The following PLXDC2 variants were observed in gnomAD, a reference collection of about 807,000 sequenced individuals.
PLXDC2 encodes the protein plexin domain-containing protein 2.
PLXDC2 carries 40 observed loss-of-function variants against 68.9 expected under a neutral mutation model. The ratio of observed to expected loss-of-function variants is 0.58; its 90% CI spans 0.45 to 0.76. The LOEUF (loss-of-function observed/expected upper bound fraction) is 0.76, where lower values mean the gene tolerates loss of function less well. PLXDC2 is among the 30% of genes least tolerant of loss of function. The pLI, the probability that PLXDC2 is intolerant of heterozygous loss-of-function variation, is 0.00. For synonymous variants in PLXDC2, 243 were observed against 234.2 expected, an observed-to-expected ratio of 1.04 and a Z score of -0.34; for missense variants, 644 against 661.9, an observed-to-expected ratio of 0.97 and a Z score of 0.30.
intron 1 of PLXDC2, among the ~76,000 whole-genome samples, chr10:19,884,628 T>C (rs924220064): frequency 2.0e-5 from 3 of 152,094 alleles, no homozygotes; most frequent in African/African-American, 7.2e-5. Flanking sequence ...CTTGCGATAG[T>C]TTACTGAGAA....
At chr10:19,919,990 C>A (rs1833432179) in intron 1 of PLXDC2, among the ~76,000 whole-genome samples, 1 of 152,176 alleles carries the variant, frequency 6.6e-6, no homozygotes, top group African/African-American at 2.4e-5. Context: ...TTACCCACCC[C>A]CAAACACACA....
chr10:20,189,694 T>C (rs756800146), intron 9 of PLXDC2, among the ~76,000 whole-genome samples: 1 of 151,178 alleles, frequency 6.6e-6, no homozygotes, highest in Non-Finnish European at 1.5e-5. Context: ...AAGATAGTAC[T>C]TGACTTACTA....
intron 7 of PLXDC2, among the ~76,000 whole-genome samples, chr10:20,173,614 C>T (rs76948563): frequency 0.011 from 1,675 of 152,212 alleles, 14 homozygotes; most frequent in Non-Finnish European, 0.019. Flanking sequence ...TGTGTTAATC[C>T]GCTCAGATTT....
intron 4 of PLXDC2, among the ~76,000 whole-genome samples, chr10:20,106,484 C>G (rs1451653815): frequency 6.6e-6 from 1 of 152,096 alleles, no homozygotes; most frequent in Non-Finnish European, 1.5e-5. Context: ...CTGTGATATC[C>G]CTTGAGATGG....
At chr10:20,204,461 T>C (rs1166229485) in intron 9 of PLXDC2, among the ~76,000 whole-genome samples, 2 of 152,140 alleles carry the variant, frequency 1.3e-5, no homozygotes, top group African/African-American at 4.8e-5. Context: ...GGAGGATCAT[T>C]TTTCATACCT....
At chr10:20,089,301 A>G (rs1268531562) in intron 4 of PLXDC2, among the ~76,000 whole-genome samples, 4 of 152,120 alleles carry the variant, frequency 2.6e-5, no homozygotes, top group Middle Eastern at 3.2e-3. Flanking sequence ...GAATGTATTT[A>G]CGGAAGAAGT....
intron 4 of PLXDC2, among the ~76,000 whole-genome samples, chr10:20,126,802 T>C (rs1001635868): frequency 6.3e-5 from 9 of 142,656 alleles, no homozygotes; most frequent in African/African-American, 2.2e-4. Context: ...ACACACGTTA[T>C]ATATGTATAT....
chr10:20,096,244 G>A (rs1833347901), intron 4 of PLXDC2, among the ~76,000 whole-genome samples: 1 of 152,104 alleles, frequency 6.6e-6, no homozygotes, highest in African/African-American at 2.4e-5. Context: ...TTTCAGTTTT[G>A]ATTAAATGAT....
intron 1 of PLXDC2, among the ~76,000 whole-genome samples, chr10:19,928,012 T>C (rs1833567204): frequency 6.6e-6 from 1 of 152,178 alleles, no homozygotes; most frequent in Non-Finnish European, 1.5e-5. Flanking sequence ...TGTGCACCCA[T>C]AGCTTAGCTC....
intron 1 of PLXDC2, among the ~76,000 whole-genome samples, chr10:19,873,332 T>C (rs1350227484): frequency 6.6e-6 from 1 of 152,134 alleles, no homozygotes; most frequent in Non-Finnish European, 1.5e-5. Flanking sequence ...GGATTATGGT[T>C]TTAGATTTAA....
chr10:19,905,156 T>A (rs1020084154), intron 1 of PLXDC2, among the ~76,000 whole-genome samples: 24 of 152,240 alleles, frequency 1.6e-4, no homozygotes, highest in African/African-American at 5.5e-4. Context: ...TCACTGTAAT[T>A]TTTTCCTTGT....
intron 13 of PLXDC2, among the ~76,000 whole-genome samples, chr10:20,259,028 G>GA (rs1835778648): frequency 1.4e-4 from 20 of 145,850 alleles, no homozygotes; most frequent in African/African-American, 5.1e-4. Context: ...AAAAAGAAAA[G>GA]AAAGGAAAGG....
intron 4 of PLXDC2, among the ~76,000 whole-genome samples, chr10:20,084,607 G>T (rs980651415): frequency 3.9e-5 from 6 of 151,998 alleles, no homozygotes; most frequent in African/African-American, 1.4e-4. Flanking sequence ...CCCAGGTAAG[G>T]CATAAGGCCA....
In PLXDC2 at chr10:20,218,961, A is replaced by G; in HGVS notation, c.1274-103A>G. 3.2e-6 allele frequency: 4 copies of G among 1,243,418 alleles called. No individual in the cohort carries two copies. The South Asian group carries it at 4.1e-5, about 13-fold the overall frequency. 77.0% of individuals were successfully genotyped at this position (1,243,418 alleles called of 1,614,324 possible). On this transcript the variant is annotated intron_variant, in intron 11 of 13. Transcript: ENST00000377252. ...CACAATAAATTATCAAAATCTAGTC[A>G]TGTTCCGACCAAGGCAGTTAGTAGA...
At chr10:20,021,923 T>C (rs1835318044) in intron 2 of PLXDC2, among the ~76,000 whole-genome samples, 1 of 152,108 alleles carries the variant, frequency 6.6e-6, no homozygotes, top group African/African-American at 2.4e-5. Flanking sequence ...GGTCTCGAAC[T>C]CCTGACCTCG....
intron 2 of PLXDC2, among the ~76,000 whole-genome samples, chr10:20,008,193 C>G (rs1248566565): frequency 1.3e-5 from 2 of 152,128 alleles, no homozygotes; most frequent in Non-Finnish European, 2.9e-5. Flanking sequence ...GCTCTAATAG[C>G]TGATTGCAGC....
At chr10:19,925,623 A>T (rs958894643) in intron 1 of PLXDC2, among the ~76,000 whole-genome samples, 1 of 152,150 alleles carries the variant, frequency 6.6e-6, no homozygotes, top group Non-Finnish European at 1.5e-5. Context: ...TTGTTCTCAT[A>T]TTGTGGGGAG....
intron 4 of PLXDC2, among the ~76,000 whole-genome samples, chr10:20,072,208 GA>G (rs57147716): frequency 0.018 from 2,679 of 151,452 alleles, 79 homozygotes; most frequent in African/African-American, 0.061. Context: ...CATCTCTACT[GA>G]AAAAAACAAA....
At chr10:20,073,299 C>T (rs563207051) in intron 4 of PLXDC2, among the ~76,000 whole-genome samples, 2 of 152,286 alleles carry the variant, frequency 1.3e-5, no homozygotes, top group African/African-American at 4.8e-5. Flanking sequence ...TGAAATCTAT[C>T]TCTCTCCACA....
Sources: gnomAD v4.1 joint callset for allele counts (sites outside exome capture counted in the v4.1 genomes callset) on GRCh38, gnomAD v4.1.1 for gene constraint, MANE v1.5 for transcripts, NCBI Gene and HGNC (gene_info 2026-07-23, HGNC 2026-07-21) for gene names.